The following TLR2 variants were observed in gnomAD, a reference collection of about 807,000 sequenced individuals.
TLR2 encodes toll-like receptor 2.
A neutral mutation model predicts 9.1 loss-of-function variants in TLR2; 7 were observed. That is an observed-to-expected ratio of 0.77 (90% CI 0.44 to 1.44). The LOEUF (loss-of-function observed/expected upper bound fraction) is 1.44. Ranked by LOEUF, TLR2 falls within the 40% of genes most tolerant of loss-of-function variation. The probability of loss-of-function intolerance (pLI) is 0.01; values close to 1 mark genes in which losing one functional copy is unlikely to be tolerated. For missense variants in TLR2, 812 were observed against 904.6 expected (o/e 0.90, Z 1.31); for synonymous variants, 317 against 344.6 (o/e 0.92, Z 0.89).
intron 1 of TLR2, among the ~76,000 whole-genome samples, 190 bp from the exon 2 acceptor site, chr4:153,687,712 A>G (rs1219467334): frequency 6.6e-6 from 1 of 152,172 alleles, no homozygotes; most frequent in African/African-American, 2.4e-5. Context: ...TGCCTATTAC[A>G]CCATACCCAA....
intron 1 of TLR2, among the ~76,000 whole-genome samples, chr4:153,684,939 T>C (rs1357433062): frequency 6.6e-6 from 1 of 152,028 alleles, no homozygotes; most frequent in East Asian, 1.9e-4. Flanking sequence ...AAAGATTGGG[T>C]AAAGGCTTTC....
At position 153,704,332 on chromosome 4, in the gene TLR2, T is replaced by C; in HGVS notation, c.1425T>C (p.Asn475=). The C allele has an allele frequency of 1.2e-6, 2 of 1,613,582 alleles. No homozygotes were observed. The highest frequency in any genetic ancestry group is 2.2e-5 in the South Asian group (2 of 90,870). The change falls in exon 3 of 3, where the codon AAT becomes AAC. Residue 475 remains asparagine, a synonymous_variant. Transcript: ENST00000642700. ...ACAATCTCAATTTATTTTCTTTGAA[T>C]TTGCCGCAACTCAAAGAACTTTATA... ...SNNNLNLFSL[N]LPQLKELYIS...
rs1036701296 is a variant in TLR2 at position 153,705,408 on chromosome 4, T to A, written c.*146T>A. On this transcript the variant is annotated 3_prime_UTR_variant, in exon 3 of 3. Transcript: ENST00000642700. ...CTTACTAAAACTACAAAACTTCAAATTTTGTCTGGGGTGCTGTTTTATAAA... is the reference window on the plus strand; with the variant it reads ...CTTACTAAAACTACAAAACTTCAAAATTTGTCTGGGGTGCTGTTTTATAAA... 5.2e-6 allele frequency: 5 copies of A among 966,734 alleles called. No individual in the cohort carries two copies. The South Asian group carries it at 1.2e-4, about 23-fold the overall frequency. 59.9% of individuals were successfully genotyped at this position (966,734 alleles called of 1,614,324 possible).
In TLR2 at chr4:153,703,977, A is replaced by C. The variant is rs373356008; in HGVS notation, c.1070A>C (p.Gln357Pro). ...TTTCTGGTTCCTTGTTTACTTTCAC[A>C]ACATTTAAAATCATTAGAATACTTG... ...KVFLVPCLLSQHLKSLEYLDL... is the reference protein window; with the variant it reads ...KVFLVPCLLSPHLKSLEYLDL... Residue 357 changes from glutamine to proline, a missense_variant, in exon 3 of 3, where the codon CAA (glutamine) becomes CCA (proline). Coordinates refer to ENST00000642700, the MANE Select transcript of TLR2 (RefSeq NM_001318789.2). The C allele has an allele frequency of 3.0e-5, 48 of 1,611,614 alleles. No homozygotes were observed. Among genetic ancestry groups the C allele is most frequent in the Non-Finnish European group, 4.0e-5 (47 of 1,179,466 alleles).
chr4:153,688,875 T>C (rs1735903306), intron 2 of TLR2, among the ~76,000 whole-genome samples: 1 of 152,224 alleles, frequency 6.6e-6, no homozygotes, highest in Admixed American at 6.5e-5. Flanking sequence ...TGTTCCCACA[T>C]GTCCCCCTTT....
Position 153,704,906 on chromosome 4 carries a change from A to C in TLR2, c.1999A>C (p.Asn667His). 1 of 1,613,394 alleles carries C rather than the reference A, an allele frequency of 6.2e-7. No homozygotes were observed. The highest frequency in any genetic ancestry group is 8.5e-7 in the Non-Finnish European group (1 of 1,180,000). ...NLMVQELENFNPPFKLCLHKR... is the reference protein window; with the variant it reads ...NLMVQELENFHPPFKLCLHKR... ...TATGGTCCAGGAGCTGGAGAACTTC[A>C]ATCCCCCCTTCAAGTTGTGTCTTCA... Residue 667 changes from asparagine to histidine, a missense_variant, in exon 3 of 3, where the codon AAT becomes CAT. Physicochemically the swap from Asn to His is moderately conservative, Grantham distance 68 (BLOSUM62 1). Coordinates refer to ENST00000642700, the MANE Select transcript of TLR2 (RefSeq NM_001318789.2).
At chr4:153,696,006 G>C (rs1348179500) in intron 2 of TLR2, among the ~76,000 whole-genome samples, 1 of 152,054 alleles carries the variant, frequency 6.6e-6, no homozygotes, top group African/African-American at 2.4e-5. Context: ...TTGTTTCTGG[G>C]TTCTCTATTC....
intron 2 of TLR2, among the ~76,000 whole-genome samples, chr4:153,694,001 G>A (rs1025749662): frequency 2.6e-5 from 4 of 152,208 alleles, no homozygotes; most frequent in African/African-American, 9.7e-5. Context: ...CATAGAGTGT[G>A]GAGTGGGAAA....
chr4:153,684,814 G>T (rs1388174088), intron 1 of TLR2, among the ~76,000 whole-genome samples: 2 of 150,790 alleles, frequency 1.3e-5, no homozygotes, highest in Non-Finnish European at 2.9e-5. Flanking sequence ...GAGGCCGAGG[G>T]GGGCGGTGGC....
In TLR2 at chr4:153,704,286, A is replaced by G; in HGVS notation, c.1379A>G (p.Glu460Gly). The G allele has an allele frequency of 1.2e-6, 2 of 1,614,062 alleles. No individual in the cohort carries two copies. The highest frequency in any genetic ancestry group is 2.7e-5 in the African/African-American group (2 of 75,028). Residue 460 changes from glutamate (E) to glycine (G), a missense_variant, in exon 3 of 3, where the codon GAA becomes GGA. Physicochemically the swap from Glu to Gly is moderately conservative, Grantham distance 98 (BLOSUM62 -2). Coordinates refer to ENST00000642700, the MANE Select transcript of TLR2 (RefSeq NM_001318789.2). ...SVTGCIPKTL[E>G]ILDVSNNNLN... ...ACAGGCTGCATTCCCAAGACACTGG[A>G]AATTTTAGATGTTAGCAACAACAAT...
At chr4:153,707,626 A>G (rs1183690076), downstream of TLR2, among the ~76,000 whole-genome samples, 3 of 152,212 alleles carry the variant, frequency 2.0e-5, no homozygotes, top group Non-Finnish European at 4.4e-5. Flanking sequence ...GACACCAAAT[A>G]CAGTAATGGA....
Position 153,704,300 on chromosome 4 carries a change from A to G in TLR2, c.1393A>G (p.Ser465Gly). Residue 465 changes from serine to glycine, a missense_variant, in exon 3 of 3, where the codon AGC becomes GGC. Coordinates refer to ENST00000642700, the MANE Select transcript of TLR2 (RefSeq NM_001318789.2). The stretch of plus-strand genomic sequence containing the variant: ...CAAGACACTGGAAATTTTAGATGTT[A>G]GCAACAACAATCTCAATTTATTTTC... Reference protein sequence around the residue: ...IPKTLEILDVSNNNLNLFSLN... With the variant: ...IPKTLEILDVGNNNLNLFSLN... 6.2e-7 allele frequency: 1 copy of G among 1,614,022 alleles called. No homozygotes were observed. The highest frequency in any genetic ancestry group is 1.1e-5 in the South Asian group (1 of 91,004).
At chr4:153,710,512 G>T, downstream of TLR2, 1 of 1,606,110 alleles carries the variant, frequency 6.2e-7, no homozygotes, top group Non-Finnish European at 8.5e-7. Context: ...TAAGGAGGTT[G>T]TTCTATATAC....
chr4:153,693,199 C>A (rs1175844208), intron 2 of TLR2, among the ~76,000 whole-genome samples: 2 of 152,192 alleles, frequency 1.3e-5, no homozygotes, highest in Non-Finnish European at 2.9e-5. Context: ...TACTTGCACG[C>A]CTTTTAAATT....
chr4:153,685,169 A>T (rs951282566), intron 1 of TLR2, among the ~76,000 whole-genome samples: 2 of 152,344 alleles, frequency 1.3e-5, no homozygotes, highest in East Asian at 3.9e-4. Flanking sequence ...TAGGTCTCTG[A>T]TTAGAAAACA....
intron 2 of TLR2, among the ~76,000 whole-genome samples, chr4:153,699,366 T>C (rs1235892612): frequency 6.6e-6 from 1 of 152,242 alleles, no homozygotes; most frequent in Admixed American, 6.5e-5. Flanking sequence ...CCTCTTAATT[T>C]GCACTATGGT....
chr4:153,703,526 A>G lies in TLR2; in HGVS notation c.619A>G (p.Met207Val), dbSNP rs1560751270. Residue 207 changes from methionine (M) to valine (V), a missense_variant, in exon 3 of 3, where the codon ATG becomes GTG. Coordinates refer to ENST00000642700, the MANE Select transcript of TLR2 (RefSeq NM_001318789.2). ...GAATGTAAGTCATCTGATCCTTCAT[A>G]TGAAGCAGCATATTTTACTGCTGGA... ...IQNVSHLILH[M>V]KQHILLLEIF... The G allele has an allele frequency of 1.2e-6, 2 of 1,614,118 alleles. No homozygotes were observed. Among genetic ancestry groups the G allele is most frequent in the Non-Finnish European group, 1.7e-6 (2 of 1,180,020 alleles).
At chr4:153,689,100 C>G (rs1325257688) in intron 2 of TLR2, among the ~76,000 whole-genome samples, 2 of 152,280 alleles carry the variant, frequency 1.3e-5, no homozygotes, top group East Asian at 3.9e-4. Context: ...CACTCCAGTT[C>G]CTGGCATTAA....
intron 2 of TLR2, among the ~76,000 whole-genome samples, chr4:153,690,536 C>G (rs913010467): frequency 2.6e-5 from 4 of 152,174 alleles, no homozygotes; most frequent in African/African-American, 9.7e-5. Context: ...GTAGCCCAGA[C>G]AAAGTGAGAA....
Sources: gnomAD v4.1 joint callset for allele counts (sites outside exome capture counted in the v4.1 genomes callset) on GRCh38, gnomAD v4.1.1 for gene constraint, MANE v1.5 for transcripts, NCBI Gene and HGNC (gene_info 2026-07-23, HGNC 2026-07-21) for gene names.